TLL2: variants seen among roughly 807,000 people sequenced by gnomAD.
The protein encoded by TLL2 is tolloid-like protein 2.
A neutral mutation model predicts 123.0 loss-of-function variants in TLL2; 106 were observed. The observed-to-expected ratio is 0.86, with a 90% CI of 0.74 to 1.01. The LOEUF is 1.01. TLL2 is among the 50% of genes least tolerant of loss of function. The pLI, the probability that TLL2 is intolerant of heterozygous loss-of-function variation, is 0.00. For missense variants in TLL2, 1,332 were observed against 1,336.7 expected (o/e 1.00, Z 0.06); for synonymous variants, 494 against 516.8 (o/e 0.96, Z 0.60).
intron 3 of TLL2, among the ~76,000 whole-genome samples, chr10:96,433,866 C>A (rs1443815462): frequency 1.3e-5 from 2 of 152,138 alleles, no homozygotes; most frequent in Non-Finnish European, 2.9e-5. Context: ...ACTTCCACCT[C>A]CCGGGTTCAA....
At chr10:96,432,029 C>G (rs1264027124) in intron 4 of TLL2, among the ~76,000 whole-genome samples, 1 of 151,948 alleles carries the variant, frequency 6.6e-6, no homozygotes, top group Admixed American at 6.6e-5. Context: ...GGGTCAAAGG[C>G]CAGGCAGGAG....
intron 2 of TLL2, among the ~76,000 whole-genome samples, chr10:96,476,877 C>CACACAG (rs1554939740): frequency 0.018 from 2,754 of 149,746 alleles, 83 homozygotes; most frequent in African/African-American, 0.058. Flanking sequence ...CACACACACA[C>CACACAG]ACACACACAC....
intron 7 of TLL2, among the ~76,000 whole-genome samples, chr10:96,416,745 A>G (rs1164643709): frequency 2.0e-5 from 3 of 152,212 alleles, no homozygotes; most frequent in Non-Finnish European, 4.4e-5. Flanking sequence ...TGCCAGCAAG[A>G]GCTTCCAGCT....
chr10:96,400,081 G>A (rs1846378887), intron 10 of TLL2, among the ~76,000 whole-genome samples: 1 of 152,182 alleles, frequency 6.6e-6, no homozygotes, highest in Admixed American at 6.5e-5. Context: ...TGATGTCTCA[G>A]TGTTCTCATC....
intron 16 of TLL2, 29 bp downstream of exon 16, chr10:96,384,558 G>T: frequency 1.3e-6 from 2 of 1,544,390 alleles, no homozygotes; most frequent in Non-Finnish European, 1.8e-6. Context: ...CACTCGCGCT[G>T]CATCAGCCTC....
intron 3 of TLL2, among the ~76,000 whole-genome samples, chr10:96,436,056 T>G (rs1439416264): frequency 6.6e-6 from 1 of 152,234 alleles, no homozygotes; most frequent in Non-Finnish European, 1.5e-5. Flanking sequence ...AATAACCTAT[T>G]CTTCATGGTA....
At chr10:96,398,435 C>A (rs748003) in intron 10 of TLL2, among the ~76,000 whole-genome samples, 4,099 of 152,228 alleles carry the variant, frequency 0.027, 166 homozygotes, top group African/African-American at 0.087. Flanking sequence ...TACAAATTGA[C>A]CAAAACTGAA....
At chr10:96,416,092 A>G (rs1196507671) in intron 7 of TLL2, among the ~76,000 whole-genome samples, 2 of 152,066 alleles carry the variant, frequency 1.3e-5, no homozygotes, top group Non-Finnish European at 2.9e-5. Context: ...ACTTTACCAC[A>G]TTTTAAACCA....
intron 7 of TLL2, among the ~76,000 whole-genome samples, chr10:96,414,781 T>A (rs55791709): frequency 0.14 from 21,711 of 151,906 alleles, 2,363 homozygotes; most frequent in African/African-American, 0.31. Context: ...ATGATCCTTG[T>A]CTCCTGAGCC....
chr10:96,485,079 A>G lies in TLL2; in HGVS notation c.176-4620T>C, dbSNP rs997087757. Among the ~76,000 whole-genome samples the G allele has an allele frequency of 8.5e-5, 13 of 152,360 alleles. 2 individuals carry two copies. Among genetic ancestry groups the G allele is most frequent in the Admixed American group, 5.2e-4 (8 of 15,306 alleles). On this transcript the variant is annotated intron_variant, in intron 1 of 20. Transcript: ENST00000357947. ...CACCAGAGGCTTTTAAAAGAAACAA[A>G]TGTGCAAAAGAATAAAGTTGAATTC...
intron 16 of TLL2, among the ~76,000 whole-genome samples, chr10:96,380,566 G>A (rs1044552893): frequency 6.6e-5 from 10 of 151,692 alleles, no homozygotes; most frequent in East Asian, 1.9e-4. Context: ...GGTGGCGGGC[G>A]CCTGTAGTCC....
intron 1 of TLL2, among the ~76,000 whole-genome samples, chr10:96,503,748 A>G (rs757969029): frequency 6.6e-6 from 1 of 152,192 alleles, no homozygotes; most frequent in Non-Finnish European, 1.5e-5. Flanking sequence ...ATTCTTCCCT[A>G]TGCTTTAGGA....
intron 2 of TLL2, among the ~76,000 whole-genome samples, chr10:96,470,146 A>G (rs979865024): frequency 9.9e-5 from 15 of 152,234 alleles, no homozygotes; most frequent in African/African-American, 3.6e-4. Flanking sequence ...GCTAATGACC[A>G]CATGGCTAAA....
chr10:96,431,541 T>C (rs941911081), intron 4 of TLL2, among the ~76,000 whole-genome samples: 1 of 152,136 alleles, frequency 6.6e-6, no homozygotes, highest in African/African-American at 2.4e-5. Flanking sequence ...TCGGTATGGC[T>C]TGTCACTCAG....
At chr10:96,390,591 C>T (rs1286239659) in intron 13 of TLL2, among the ~76,000 whole-genome samples, 2 of 152,278 alleles carry the variant, frequency 1.3e-5, no homozygotes, top group Admixed American at 6.5e-5. Context: ...CCAATTGGCA[C>T]CAAGGCAAGA....
At chr10:96,385,925 G>A (rs1422666881) in intron 15 of TLL2, 130 bp downstream of exon 15, 41 of 904,958 alleles carry the variant, frequency 4.5e-5, no homozygotes, top group Middle Eastern at 3.0e-4. Flanking sequence ...TTCTGCTAGC[G>A]CAGGTCCTAA....
At chr10:96,507,217 C>T (rs4919028) in intron 1 of TLL2, among the ~76,000 whole-genome samples, 19,911 of 152,002 alleles carry the variant, frequency 0.13, 1,559 homozygotes, top group East Asian at 0.29. Flanking sequence ...TCCACACCTG[C>T]TTGGCTGAGC....
intron 2 of TLL2, among the ~76,000 whole-genome samples, chr10:96,468,967 T>G (rs1281687719): frequency 6.6e-6 from 1 of 152,238 alleles, no homozygotes; most frequent in Non-Finnish European, 1.5e-5. Context: ...TTCTTTTTCC[T>G]TCCCAAAGAG....
chr10:96,448,923 G>C (rs1846927166), intron 2 of TLL2, among the ~76,000 whole-genome samples: 2 of 152,178 alleles, frequency 1.3e-5, no homozygotes, highest in Admixed American at 6.5e-5. Flanking sequence ...AACTAGATGG[G>C]ATCCAGAGGA....
Sources: gnomAD v4.1 joint callset for allele counts (sites outside exome capture counted in the v4.1 genomes callset) on GRCh38, gnomAD v4.1.1 for gene constraint, MANE v1.5 for transcripts, NCBI Gene and HGNC (gene_info 2026-07-23, HGNC 2026-07-21) for gene names.